Variants in TBC1D28 observed in about 807,000 individuals in gnomAD.
TBC1D28 encodes TBC1 domain family, member 28.
Under a neutral mutation model 29.2 loss-of-function variants are expected in TBC1D28, and 20 were observed. That is an observed-to-expected ratio of 0.68 (90% CI 0.48 to 0.99). The LOEUF (loss-of-function observed/expected upper bound fraction) is 0.99, where lower values mean the gene tolerates loss of function less well. Among genes scored for constraint, TBC1D28 ranks in the 50% least tolerant of loss-of-function variants. The pLI is 0.00. For missense variants in TBC1D28, 205 were observed against 243.7 expected (o/e 0.84, Z 1.06); for synonymous variants, 65 against 90.9 (o/e 0.71, Z 1.62).
chr17:18,636,191 T>C, exon 9 of TBC1D28: 1 of 1,229,020 alleles, frequency 8.1e-7, no homozygotes, highest in Non-Finnish European at 1.0e-6. Context: ...AAGAAGAGGC[T>C]CCCCCAGGAT....
At chr17:18,641,583 C>G (rs1008398329) in intron 2 of TBC1D28, 49 bp downstream of exon 3, 2 of 596,816 alleles carry the variant, frequency 3.4e-6, no homozygotes, top group African/African-American at 3.7e-5. Flanking sequence ...ACACGGGGAC[C>G]TGAACAGAGA....
intron 8 of TBC1D28, among the ~76,000 whole-genome samples, 173 bp downstream of exon 9, chr17:18,637,691 G>T (rs2031564027): frequency 6.6e-6 from 1 of 152,272 alleles, no homozygotes; most frequent in Non-Finnish European, 1.5e-5. Flanking sequence ...CCGGCCCAGG[G>T]CTTAGAGCCG....
chr17:18,638,469 C>T, intron 6 of TBC1D28, 49 bp from the exon 8 acceptor site: 1 of 1,607,504 alleles, frequency 6.2e-7, no homozygotes, highest in Non-Finnish European at 8.5e-7. Context: ...GGCAACCCCG[C>T]AGAGGAAAGC....
At chr17:18,639,304 C>A (rs1281728089) in intron 4 of TBC1D28, 90 bp from the exon 6 acceptor site, 8 of 1,548,604 alleles carry the variant, frequency 5.2e-6, no homozygotes, top group Admixed American at 1.9e-5. Flanking sequence ...ACCAGCCTAC[C>A]CCCATCCACC....
chr17:18,638,232 G>A (rs964328630), intron 7 of TBC1D28, 81 bp downstream of exon 8: 10 of 1,523,618 alleles, frequency 6.6e-6, no homozygotes, highest in African/African-American at 1.4e-5. Flanking sequence ...CAGGCTCAAC[G>A]TTCCCTCCAG....
exon 7 of TBC1D28, chr17:18,638,356 A>G: frequency 1.2e-6 from 2 of 1,614,238 alleles, no homozygotes; most frequent in Non-Finnish European, 1.7e-6. Flanking sequence ...GTCAATATCT[A>G]GCAAAAGTGA....
rs1364720691 is a variant in TBC1D28 at position 18,637,765 on chromosome 17, A to T, written c.497+99T>A. On this transcript the variant is annotated intron_variant, in intron 8 of 8. Coordinates refer to ENST00000345096, the Ensembl canonical transcript of TBC1D28. ...CAGGAGAGCCCTTGGTGGCTCTGTC[A>T]CCTCTCCTGGGTGACCCTGGCCTCT... 6 of 1,439,768 alleles carry T rather than the reference A, an allele frequency of 4.2e-6. No individual in the cohort carries two copies. The South Asian group carries it at 6.2e-5, about 15-fold the overall frequency. 89.2% of individuals were successfully genotyped at this position (1,439,768 alleles called of 1,614,324 possible).
exon 9 of TBC1D28, chr17:18,636,215 A>G (rs1170019981): frequency 2.3e-6 from 3 of 1,276,798 alleles, no homozygotes; most frequent in Non-Finnish European, 3.0e-6. Flanking sequence ...AACTCATTTC[A>G]TGACAAGTGC....
upstream of TBC1D28, chr17:18,642,860 T>A (rs562048653): frequency 6.6e-6 from 1 of 152,168 alleles, no homozygotes; most frequent in South Asian, 2.1e-4. Flanking sequence ...GGTGGGCAGG[T>A]GGGCGGTCAC....
chr17:18,638,792 G>A, intron 5 of TBC1D28, 91 bp from the exon 7 acceptor site: 2 of 1,558,624 alleles, frequency 1.3e-6, no homozygotes, highest in African/African-American at 1.4e-5. Context: ...GGGCCCTGAA[G>A]GGACCCAACC....
intron 3 of TBC1D28, 71 bp downstream of exon 4, chr17:18,641,207 G>A (rs61214560): frequency 0.43 from 621,917 of 1,451,232 alleles, 141,410 homozygotes; most frequent in East Asian, 0.95. Context: ...AGGAAGCCCA[G>A]GACCCTGTGA....
upstream of TBC1D28, among the ~76,000 whole-genome samples, chr17:18,644,018 C>A (rs997128374): frequency 6.6e-6 from 1 of 152,186 alleles, no homozygotes; most frequent in Non-Finnish European, 1.5e-5. Context: ...GAGACCAGGG[C>A]ATGCACAGGG....
intron 5 of TBC1D28, chr17:18,638,954 T>G: frequency 3.5e-6 from 3 of 846,372 alleles, no homozygotes; most frequent in Non-Finnish European, 5.4e-6. Flanking sequence ...GGGGTCTTGG[T>G]TCAAACAGGC....
intron 6 of TBC1D28, 69 bp from the exon 8 acceptor site, chr17:18,638,489 G>C (rs1335553132): frequency 6.3e-7 from 1 of 1,589,106 alleles, no homozygotes; most frequent in Non-Finnish European, 8.6e-7. Context: ...CTGGCGAACA[G>C]GCCTGCAGTC....
upstream of TBC1D28, chr17:18,644,262 G>A (rs1408802657): frequency 1.4e-4 from 22 of 151,896 alleles, no homozygotes; most frequent in African/African-American, 5.1e-4. Flanking sequence ...CAGGTCAGCA[G>A]GGAAGGAACA....
upstream of TBC1D28, among the ~76,000 whole-genome samples, chr17:18,643,409 C>G (rs2031857342): frequency 6.6e-6 from 1 of 150,478 alleles, no homozygotes; most frequent in East Asian, 1.9e-4. Context: ...GGTCACCAAG[C>G]AACCATCTGG....
upstream of TBC1D28, among the ~76,000 whole-genome samples, chr17:18,643,753 C>T (rs1484689567): frequency 6.6e-5 from 10 of 152,218 alleles, no homozygotes; most frequent in Admixed American, 6.5e-4. Context: ...TGCCCACAGG[C>T]AGAGGGCTCC....
exon 9 of TBC1D28, chr17:18,635,520 A>C (rs548280935): frequency 1.1e-6 from 1 of 947,528 alleles, no homozygotes; most frequent in African/African-American, 1.8e-5. Flanking sequence ...TGCAAAAGAC[A>C]CGAAGTCTGG....
intron 4 of TBC1D28, among the ~76,000 whole-genome samples, chr17:18,639,432 G>T (rs1002309927): frequency 7.7e-5 from 10 of 129,596 alleles, no homozygotes; most frequent in African/African-American, 3.1e-4. Context: ...GCCCTGGGTG[G>T]GGGGGACACT....
Sources: gnomAD v4.1 joint callset for allele counts (sites outside exome capture counted in the v4.1 genomes callset) on GRCh38, gnomAD v4.1.1 for gene constraint, MANE v1.5 for transcripts, NCBI Gene and HGNC (gene_info 2026-07-23, HGNC 2026-07-21) for gene names.